Variants in TMEM135 observed in about 807,000 individuals in gnomAD.
TMEM135 encodes transmembrane protein 135.
TMEM135 carries 30 observed loss-of-function variants against 60.3 expected under a neutral mutation model. The observed-to-expected ratio is 0.50, with a 90% CI of 0.37 to 0.68. TMEM135 has a LOEUF of 0.68. TMEM135 is among the 30% of genes least tolerant of loss of function. TMEM135 has a pLI of 0.00. For missense variants in TMEM135, 468 were observed against 548.8 expected (o/e 0.85, Z 1.47); for synonymous variants, 190 against 186.7 (o/e 1.02, Z -0.14).
At chr11:87,144,930 AC>A (rs1938371082) in intron 4 of TMEM135, among the ~76,000 whole-genome samples, 1 of 152,138 alleles carries the variant, frequency 6.6e-6, no homozygotes. Flanking sequence ...CATATCTATT[AC>A]CTCAATTACT....
chr11:87,161,097 AC>A (rs944096417), intron 5 of TMEM135, among the ~76,000 whole-genome samples: 13 of 152,056 alleles, frequency 8.5e-5, no homozygotes, highest in African/African-American at 3.1e-4. Context: ...ATGGGGTTTC[AC>A]CATGTTGGCC....
chr11:87,224,738 C>T (rs1017025134), intron 5 of TMEM135, among the ~76,000 whole-genome samples: 7 of 149,408 alleles, frequency 4.7e-5, no homozygotes, highest in Non-Finnish European at 7.4e-5. Context: ...TCTCCTTCTC[C>T]GTATGCTGAA....
intron 1 of TMEM135, among the ~76,000 whole-genome samples, chr11:87,064,350 A>G (rs1186266048): frequency 2.0e-5 from 3 of 151,946 alleles, no homozygotes; most frequent in Admixed American, 6.6e-5. Context: ...ACAGTTCTTC[A>G]AGAGATTCAG....
chr11:87,116,812 G>A (rs1000910417), intron 4 of TMEM135, among the ~76,000 whole-genome samples: 15 of 151,264 alleles, frequency 9.9e-5, no homozygotes, highest in Admixed American at 4.0e-4. Flanking sequence ...AGTTTTATGT[G>A]CAAAGCATTA....
rs184409691 is a variant in TMEM135 at position 87,065,889 on chromosome 11, C to T, written c.142-1805C>T. Reference sequence around the variant, plus strand: ...AGGTTTAGTTTTTCTTTTCTTTTAACCTATCATTTACCACACTGGCATATT... The same window carrying T: ...AGGTTTAGTTTTTCTTTTCTTTTAATCTATCATTTACCACACTGGCATATT... On this transcript the variant is annotated intron_variant, in intron 1 of 14. Transcript: ENST00000305494. Among the ~76,000 whole-genome samples, 456 of 152,252 alleles carry T rather than the reference C, an allele frequency of 3.0e-3. 5 individuals are homozygous for T. The highest frequency in any genetic ancestry group is 4.4e-3 in the Non-Finnish European group (299 of 68,018).
In TMEM135 at chr11:87,094,673, TC is replaced by T. The variant is rs1396484404; in HGVS notation, c.396+3279del. 1.7e-5 allele frequency: 3 copies of T among 175,614 alleles called. No individual in the cohort carries two copies. The East Asian group carries it at 4.7e-4, about 28-fold the overall frequency. 10.9% of individuals were successfully genotyped at this position (175,614 alleles called of 1,614,324 possible). ...CTGGGTAACATAATGAGACCCCGTA[TC>T]TTTTTGCAGTGAAGTCTGACTTGAT... On this transcript the variant is annotated intron_variant, in intron 4 of 14. Transcript: ENST00000305494.
At chr11:87,225,498 TA>T (rs201054214) in intron 5 of TMEM135, among the ~76,000 whole-genome samples, 42 of 145,858 alleles carry the variant, frequency 2.9e-4, no homozygotes, top group Admixed American at 5.5e-4. Context: ...ACACATCTTG[TA>T]AAAAAAAAAG....
At chr11:87,045,169 A>T (rs112104330) in intron 1 of TMEM135, among the ~76,000 whole-genome samples, 23,212 of 151,464 alleles carry the variant, frequency 0.15, 1,871 homozygotes, top group Non-Finnish European at 0.17. Context: ...AGCTTGGACT[A>T]CAGGTGCCTG....
intron 3 of TMEM135, among the ~76,000 whole-genome samples, chr11:87,083,412 C>G (rs1190538031): frequency 1.3e-5 from 2 of 152,118 alleles, no homozygotes; most frequent in Non-Finnish European, 2.9e-5. Context: ...GTGGAATTTG[C>G]TTTGATATTT....
chr11:87,131,400 T>A (rs1419691098), intron 4 of TMEM135, among the ~76,000 whole-genome samples: 1 of 118,292 alleles, frequency 8.5e-6, no homozygotes, highest in Non-Finnish European at 1.7e-5. Context: ...AATGGGAGAA[T>A]TGTTTGTTGG....
At chr11:87,241,778 G>A (rs10792916) in intron 6 of TMEM135, among the ~76,000 whole-genome samples, 16,527 of 151,682 alleles carry the variant, frequency 0.11, 1,622 homozygotes, top group African/African-American at 0.26. Flanking sequence ...TTTTCTCTTT[G>A]TTTTCCTGGC....
rs556205962 is a variant in TMEM135, at chr11:87,136,498, A to G, written c.397-20843A>G. ...TGCATTTAGTTTTGCTGCCTAGACA[A>G]CACTGCCCTCATAAGAATGACTTAA... On this transcript the variant is annotated intron_variant, in intron 4 of 14. Transcript: ENST00000305494. Among the ~76,000 whole-genome samples, 16 of 152,168 alleles carry G rather than the reference A, an allele frequency of 1.1e-4. No individual in the cohort carries two copies. The South Asian group carries it at 3.1e-3, about 30-fold the overall frequency.
At chr11:87,213,570 G>A (rs779650326) in intron 5 of TMEM135, among the ~76,000 whole-genome samples, 10 of 152,196 alleles carry the variant, frequency 6.6e-5, no homozygotes, top group African/African-American at 2.4e-4. Flanking sequence ...AGTTTAAGTA[G>A]TTCTTCCGTA....
chr11:87,191,982 CTTTTCT>C (rs1218598146), intron 5 of TMEM135, among the ~76,000 whole-genome samples: 1 of 93,990 alleles, frequency 1.1e-5, no homozygotes, highest in African/African-American at 4.5e-5. Context: ...CTTTTCTTTT[CTTTTCT>C]TTTTTTTTTT....
chr11:87,070,318 G>A (rs1348331793), intron 2 of TMEM135, among the ~76,000 whole-genome samples: 4 of 151,590 alleles, frequency 2.6e-5, no homozygotes, highest in African/African-American at 9.7e-5. Context: ...ATGTTTTCAA[G>A]GAAAAAAAAC....
Position 87,327,759 on chromosome 11 carries a change from CT to C in TMEM135, c.*6427del. 1 of 453,976 alleles carries C rather than the reference CT, an allele frequency of 2.2e-6. No homozygotes were observed. The highest frequency in any genetic ancestry group is 4.4e-6 in the Non-Finnish European group (1 of 226,756). 28.1% of individuals were successfully genotyped at this position (453,976 alleles called of 1,614,324 possible). A position where few individuals can be genotyped will look rare whatever the true frequency, so the allele number is the denominator to read the frequency against. On this transcript the variant is annotated 3_prime_UTR_variant, in exon 15 of 15. Coordinates refer to ENST00000305494, the MANE Select transcript of TMEM135 (RefSeq NM_022918.4). ...AGGCTGAATTTTCAAGTCTGAGAAC[CT>C]GGGGGTGGGATGGGGGAGTGATAGT...
intron 6 of TMEM135, among the ~76,000 whole-genome samples, chr11:87,286,104 A>G (rs1450335702): frequency 6.6e-6 from 1 of 152,094 alleles, no homozygotes; most frequent in African/African-American, 2.4e-5. Context: ...CAGAATGCTG[A>G]TTGGTGTATT....
chr11:87,150,024 C>G (rs937990853), intron 4 of TMEM135, among the ~76,000 whole-genome samples: 1 of 151,978 alleles, frequency 6.6e-6, no homozygotes, highest in African/African-American at 2.4e-5. Flanking sequence ...TAGCGACCAG[C>G]CTGACTAACA....
At chr11:87,063,124 A>G (rs1949965809) in intron 1 of TMEM135, among the ~76,000 whole-genome samples, 1 of 152,232 alleles carries the variant, frequency 6.6e-6, no homozygotes, top group Non-Finnish European at 1.5e-5. Flanking sequence ...ATTATCAACC[A>G]TTTAGAGATA....
Sources: gnomAD v4.1 joint callset for allele counts (sites outside exome capture counted in the v4.1 genomes callset) on GRCh38, gnomAD v4.1.1 for gene constraint, MANE v1.5 for transcripts, NCBI Gene and HGNC (gene_info 2026-07-23, HGNC 2026-07-21) for gene names.